The following SEPTIN14 variants were observed in gnomAD, a reference collection of about 807,000 sequenced individuals.
SEPTIN14 encodes septin-14.
In SEPTIN14, 40 loss-of-function variants were observed where a neutral mutation model predicts 53.6. That is an observed-to-expected ratio of 0.75 (90% CI 0.58 to 0.97). The LOEUF is 0.97. Ranked by LOEUF, SEPTIN14 falls within the 50% of genes least tolerant of loss-of-function variation. The pLI is 0.00. For missense variants in SEPTIN14, 471 were observed against 508.2 expected, an observed-to-expected ratio of 0.93 and a Z score of 0.70; for synonymous variants, 138 against 166.8, an observed-to-expected ratio of 0.83 and a Z score of 1.33.
chr7:55,842,789 T>C (rs1312678932), intron 5 of SEPTIN14, among the ~76,000 whole-genome samples, 153 bp downstream of exon 5: 3 of 151,932 alleles, frequency 2.0e-5, no homozygotes, highest in Non-Finnish European at 2.9e-5. Context: ...GGCAGGTGCC[T>C]GTAGTCCCAG....
chr7:55,819,274 A>T, intron 6 of SEPTIN14, 51 bp from the exon 7 acceptor site: 1 of 1,192,730 alleles, frequency 8.4e-7, no homozygotes, highest in South Asian at 1.3e-5. Flanking sequence ...ATTAGAGCTT[A>T]CTCTATTACT....
chr7:55,835,189 A>AT (rs748113341), intron 5 of SEPTIN14, among the ~76,000 whole-genome samples: 1 of 150,664 alleles, frequency 6.6e-6, no homozygotes, highest in Non-Finnish European at 1.5e-5. Context: ...AAATTATTTT[A>AT]TTTATTTATT....
At chr7:55,814,065 G>A (rs991099053) in intron 7 of SEPTIN14, among the ~76,000 whole-genome samples, 10 of 152,146 alleles carry the variant, frequency 6.6e-5, no homozygotes, top group Non-Finnish European at 1.2e-4. Flanking sequence ...GGGAGAAAGT[G>A]AGAAAAGAGT....
At chr7:55,813,013 A>G (rs1434237141) in intron 7 of SEPTIN14, among the ~76,000 whole-genome samples, 1 of 151,654 alleles carries the variant, frequency 6.6e-6, no homozygotes, top group Non-Finnish European at 1.5e-5. Flanking sequence ...GCAGTGGCGC[A>G]ATCTCGGCTT....
At chr7:55,827,796 A>G (rs529553752) in intron 6 of SEPTIN14, among the ~76,000 whole-genome samples, 1 of 152,220 alleles carries the variant, frequency 6.6e-6, no homozygotes, top group Non-Finnish European at 1.5e-5. Context: ...GCTCTTACTC[A>G]TAAGTGCCAC....
At position 55,840,347 on chromosome 7, in the gene SEPTIN14, G is replaced by A. The variant is rs182326757; in HGVS notation, c.558+2595C>T. On this transcript the variant is annotated intron_variant, in intron 5 of 9. Transcript: ENST00000388975. Reference sequence around the variant, plus strand: ...TACTAAAAATACAAAAAATTAGCCGGGTGTGGTGGTGGGCGCCTGTAATCC... The same window carrying A: ...TACTAAAAATACAAAAAATTAGCCGAGTGTGGTGGTGGGCGCCTGTAATCC... 4.6e-5 allele frequency among the ~76,000 whole-genome samples: 7 copies of A among 151,788 alleles called. No homozygotes were observed. The East Asian group carries it at 9.7e-4, about 21-fold the overall frequency.
intron 6 of SEPTIN14, among the ~76,000 whole-genome samples, chr7:55,830,410 G>A (rs1176515586): frequency 2.2e-5 from 3 of 138,302 alleles, no homozygotes; most frequent in African/African-American, 5.4e-5. Flanking sequence ...GCAGTGGCGC[G>A]ATCTCCGCTC....
At chr7:55,805,487 C>G (rs1788597882) in intron 8 of SEPTIN14, 97 bp from the exon 9 acceptor site, 8 of 803,534 alleles carry the variant, frequency 1.0e-5, no homozygotes, top group Middle Eastern at 3.5e-4. Flanking sequence ...AATCGTGCCA[C>G]TGCACGTCAG....
At chr7:55,833,395 A>T (rs895721404) in intron 6 of SEPTIN14, among the ~76,000 whole-genome samples, 1 of 151,040 alleles carries the variant, frequency 6.6e-6, no homozygotes, top group Non-Finnish European at 1.5e-5. Flanking sequence ...GGAAAGAAAT[A>T]ACAAAGATTA....
At chr7:55,824,003 C>A (rs889715625) in intron 6 of SEPTIN14, among the ~76,000 whole-genome samples, 4 of 151,618 alleles carry the variant, frequency 2.6e-5, no homozygotes, top group African/African-American at 9.7e-5. Flanking sequence ...TTCTTTTATG[C>A]CTGCACCACC....
At chr7:55,825,604 T>C (rs1179772739) in intron 6 of SEPTIN14, among the ~76,000 whole-genome samples, 1 of 152,212 alleles carries the variant, frequency 6.6e-6, no homozygotes, top group Non-Finnish European at 1.5e-5. Flanking sequence ...TTAAGATCTC[T>C]GTTCTTTCCA....
At position 55,842,985 on chromosome 7, in the gene SEPTIN14, A is replaced by G; in HGVS notation, c.515T>C (p.Leu172Pro). The G allele has an allele frequency of 6.4e-7, 1 of 1,559,052 alleles. No homozygotes were observed. Among genetic ancestry groups the G allele is most frequent in the Non-Finnish European group, 8.7e-7 (1 of 1,153,598 alleles). The change falls in exon 5 of 10, where the codon CTG (leucine) becomes CCG (proline). Residue 172 changes from leucine (L) to proline (P), a missense_variant. Physicochemically the swap from Leu to Pro is moderately conservative, Grantham distance 98. Transcript: ENST00000388975. Reference sequence around the variant, plus strand: ...CATTGTTAATAGATCAAGAGACTTCAGGGAATGTCCTGTAGGTGAAATGAA... The same window carrying G: ...CATTGTTAATAGATCAAGAGACTTCGGGGAATGTCCTGTAGGTGAAATGAA... ...LYFISPTGHS[L>P]KSLDLLTMKN...
intron 7 of SEPTIN14, among the ~76,000 whole-genome samples, chr7:55,817,636 A>AT (rs1788818350): frequency 6.6e-6 from 1 of 151,540 alleles, no homozygotes. Flanking sequence ...TGCCTGGCTA[A>AT]TTTTTTTGTA....
chr7:55,822,301 C>G (rs1200964778), intron 6 of SEPTIN14, among the ~76,000 whole-genome samples: 1 of 152,164 alleles, frequency 6.6e-6, no homozygotes, highest in African/African-American at 2.4e-5. Context: ...GATAGAAAGA[C>G]TCAATATTGT....
intron 5 of SEPTIN14, 58 bp downstream of exon 5, chr7:55,842,884 G>A: frequency 8.5e-7 from 1 of 1,169,780 alleles, no homozygotes; most frequent in Non-Finnish European, 1.2e-6. Flanking sequence ...CTCCAGCCTG[G>A]GCGACAGAGG....
At chr7:55,815,052 C>G (rs191167646) in intron 7 of SEPTIN14, among the ~76,000 whole-genome samples, 1 of 152,124 alleles carries the variant, frequency 6.6e-6, no homozygotes, top group African/African-American at 2.4e-5. Flanking sequence ...AAAGGATAAG[C>G]GCTTCAATAA....
intron 8 of SEPTIN14, among the ~76,000 whole-genome samples, chr7:55,806,885 A>C (rs1365409587): frequency 6.6e-6 from 1 of 152,220 alleles, no homozygotes; most frequent in Non-Finnish European, 1.5e-5. Flanking sequence ...ATATTTCAGC[A>C]TAAAAATGAG....
chr7:55,855,094 T>C (rs776193293), intron 2 of SEPTIN14, among the ~76,000 whole-genome samples: 9 of 151,178 alleles, frequency 6.0e-5, no homozygotes, highest in Non-Finnish European at 1.0e-4. Flanking sequence ...CTGCAAGCTC[T>C]GCCTCCCAGG....
chr7:55,830,349 A>ATATTTTTTTTTTTTTTTTTTTTT (rs71015108), intron 6 of SEPTIN14, among the ~76,000 whole-genome samples: 3 of 56,844 alleles, frequency 5.3e-5, no homozygotes, highest in African/African-American at 1.0e-4. Context: ...ATATATATAT[A>ATATTTTTTTTTTTTTTTTTTTTT]TTTTTTTTTT....
Sources: gnomAD v4.1 joint callset for allele counts (sites outside exome capture counted in the v4.1 genomes callset) on GRCh38, gnomAD v4.1.1 for gene constraint, MANE v1.5 for transcripts, NCBI Gene and HGNC (gene_info 2026-07-23, HGNC 2026-07-21) for gene names.